TAFA5: variants seen among roughly 807,000 people sequenced by gnomAD.
TAFA5 encodes chemokine-like protein TAFA-5.
TAFA5 carries 6 observed loss-of-function variants against 15.3 expected under a neutral mutation model. That is an observed-to-expected ratio of 0.39 (90% confidence interval 0.21 to 0.77). The LOEUF (loss-of-function observed/expected upper bound fraction) is 0.77, where lower values mean the gene tolerates loss of function less well. Ranked by LOEUF, TAFA5 falls within the 30% of genes least tolerant of loss-of-function variation. The probability of loss-of-function intolerance (pLI) is 0.41; values close to 1 mark genes in which losing one functional copy is unlikely to be tolerated. For synonymous variants in TAFA5, 103 were observed against 80.7 expected, an observed-to-expected ratio of 1.28 and a Z score of -1.48; for missense variants, 161 against 193.1, an observed-to-expected ratio of 0.83 and a Z score of 0.98.
chr22:48,678,512 G>A (rs901991133), intron 2 of TAFA5, among the ~76,000 whole-genome samples: 2 of 151,782 alleles, frequency 1.3e-5, no homozygotes, highest in Non-Finnish European at 3.0e-5. Context: ...TCCTTGGAGG[G>A]ACATGAGTTC....
chr22:48,636,726 C>T (rs1926464792), intron 1 of TAFA5, among the ~76,000 whole-genome samples: 1 of 152,230 alleles, frequency 6.6e-6, no homozygotes, highest in Admixed American at 6.5e-5. Context: ...AGGGCTGCTG[C>T]TGTGAAGCCT....
chr22:48,649,772 AG>A (rs1361974246), intron 2 of TAFA5, among the ~76,000 whole-genome samples: 2 of 152,014 alleles, frequency 1.3e-5, no homozygotes, highest in Non-Finnish European at 2.9e-5. Context: ...CAAGACTGGG[AG>A]GGGGAGAGCG....
intron 1 of TAFA5, among the ~76,000 whole-genome samples, chr22:48,499,022 T>A (rs1014827097): frequency 6.6e-6 from 1 of 152,154 alleles, no homozygotes; most frequent in African/African-American, 2.4e-5. Context: ...CGTGACTGTT[T>A]CTCTGTGCAG....
At chr22:48,673,333 G>C (rs1302250434) in intron 2 of TAFA5, among the ~76,000 whole-genome samples, 3 of 152,098 alleles carry the variant, frequency 2.0e-5, no homozygotes, top group Non-Finnish European at 4.4e-5. Context: ...CTTCCTCTGG[G>C]GTCAGTTTTC....
chr22:48,539,449 C>A (rs1569017550), intron 1 of TAFA5: 2 of 471,240 alleles, frequency 4.2e-6, no homozygotes, highest in Non-Finnish European at 4.4e-6. Flanking sequence ...CTCTTGGCAT[C>A]TGTTCTGAAA....
intron 1 of TAFA5, among the ~76,000 whole-genome samples, chr22:48,548,289 C>G (rs1406357695): frequency 3.3e-5 from 5 of 152,200 alleles, no homozygotes. Context: ...GCTGCAGTCC[C>G]GAAGCTGCCC....
chr22:48,519,439 G>A (rs1448970283), intron 1 of TAFA5, among the ~76,000 whole-genome samples: 1 of 152,238 alleles, frequency 6.6e-6, no homozygotes, highest in East Asian at 1.9e-4. Context: ...GGTCTCCAGG[G>A]CGGCCCCTCA....
chr22:48,520,144 GCTGGAGGCCACATGTTTCCC>G (rs1387229644), intron 1 of TAFA5, among the ~76,000 whole-genome samples: 16 of 152,372 alleles, frequency 1.1e-4, no homozygotes, highest in African/African-American at 3.6e-4. Context: ...CACGCTGGAA[GCTGGAGGCCACATGTTTCCC>G]CTGGAGCTCC....
rs115553871 is a variant in TAFA5 at position 48,611,967 on chromosome 22, C to A, written c.113-34630C>A. Among the ~76,000 whole-genome samples, 1,497 of 152,324 alleles carry A rather than the reference C, an allele frequency of 9.8e-3. 25 individuals are homozygous for A. Among genetic ancestry groups the A allele is most frequent in the African/African-American group, 0.035 (1,441 of 41,578 alleles). On this transcript the variant is annotated intron_variant, in intron 1 of 3. Transcript: ENST00000402357. ...TGCTGGAATCCTGGGTCCCTGTTTA[C>A]TGCTGTATGCCTCTCTGAGCCTCAG...
At chr22:48,496,357 C>T (rs1011482377) in intron 1 of TAFA5, among the ~76,000 whole-genome samples, 13 of 151,006 alleles carry the variant, frequency 8.6e-5, no homozygotes, top group East Asian at 1.9e-4. Context: ...CTGCTGGCCT[C>T]GGGGGACTGA....
chr22:48,610,012 G>C (rs1473951586), intron 1 of TAFA5, among the ~76,000 whole-genome samples: 1 of 152,236 alleles, frequency 6.6e-6, no homozygotes, highest in Non-Finnish European at 1.5e-5. Flanking sequence ...TTCCAAAGAA[G>C]GTGACAGTTA....
chr22:48,693,402 C>T (rs760967954), intron 2 of TAFA5: 25 of 1,612,084 alleles, frequency 1.6e-5, no homozygotes, highest in African/African-American at 8.0e-5. Flanking sequence ...GATCCGTGCG[C>T]GTCATAGTGC....
chr22:48,683,160 C>T (rs1331924881), intron 2 of TAFA5, among the ~76,000 whole-genome samples: 5 of 152,154 alleles, frequency 3.3e-5, no homozygotes, highest in Non-Finnish European at 5.9e-5. Flanking sequence ...GGAATAGACA[C>T]GGCTCTCTTG....
rs549435379 is a variant in TAFA5, at chr22:48,616,577, G to C, written c.113-30020G>C. 1.0e-4 allele frequency among the ~76,000 whole-genome samples: 14 copies of C among 138,578 alleles called. 1 individual carries two copies. The East Asian group carries it at 3.4e-3, about 34-fold the overall frequency. The allele number at this position is 138,578 out of a possible 152,430, so 90.9% of individuals were successfully genotyped here. On this transcript the variant is annotated intron_variant, in intron 1 of 3. Transcript: ENST00000402357. ...TCCTCCTGCCTGCAAGTCACAGCAC[G>C]AGGCAGGAAGGTGGCATTTTGCCTG...
intron 1 of TAFA5, among the ~76,000 whole-genome samples, chr22:48,633,890 G>T (rs1335527284): frequency 1.3e-5 from 2 of 152,228 alleles, no homozygotes; most frequent in African/African-American, 4.8e-5. Flanking sequence ...GGATGTGTGT[G>T]CCACTGTGTT....
At chr22:48,534,480 C>T (rs1414307233) in intron 1 of TAFA5, among the ~76,000 whole-genome samples, 5 of 152,124 alleles carry the variant, frequency 3.3e-5, no homozygotes, top group Non-Finnish European at 5.9e-5. Flanking sequence ...GGGGCCGTGT[C>T]AGCTGAGCAG....
rs185583681 is a variant in TAFA5, at chr22:48,699,566, G to A, written c.263-8151G>A. On this transcript the variant is annotated intron_variant, in intron 2 of 3. Coordinates refer to ENST00000402357, the MANE Select transcript of TAFA5 (RefSeq NM_001082967.3). The stretch of plus-strand genomic sequence containing the variant: ...TGAGCTCTGCTCTTACATACTTAAG[G>A]ACGTGTCGCATGAAGGCGTCTTAAT... 4.6e-5 allele frequency among the ~76,000 whole-genome samples: 7 copies of A among 152,154 alleles called. No homozygotes were observed. The East Asian group carries it at 1.4e-3, about 29-fold the overall frequency.
At chr22:48,619,107 G>T (rs1362310389) in intron 1 of TAFA5, among the ~76,000 whole-genome samples, 2 of 152,218 alleles carry the variant, frequency 1.3e-5, no homozygotes, top group African/African-American at 4.8e-5. Context: ...ATGTCCTGAT[G>T]TTTAAAATAC....
At chr22:48,574,907 C>T (rs989066517) in intron 1 of TAFA5, among the ~76,000 whole-genome samples, 3 of 152,222 alleles carry the variant, frequency 2.0e-5, no homozygotes, top group Admixed American at 6.5e-5. Context: ...TGCAGGGAGG[C>T]ATCCGTTTGT....
Sources: gnomAD v4.1 joint callset for allele counts (sites outside exome capture counted in the v4.1 genomes callset) on GRCh38, gnomAD v4.1.1 for gene constraint, MANE v1.5 for transcripts, NCBI Gene and HGNC (gene_info 2026-07-23, HGNC 2026-07-21) for gene names.